The following FXR2 variants were observed in gnomAD, a reference collection of about 807,000 sequenced individuals.
The protein encoded by FXR2 is FMR1 autosomal homolog 2.
A neutral mutation model predicts 87.3 loss-of-function variants in FXR2; 9 were observed. That is an observed-to-expected ratio of 0.10 (90% CI 0.06 to 0.18). FXR2 has a LOEUF of 0.18. Among genes scored for constraint, FXR2 ranks in the 10% least tolerant of loss-of-function variants. The pLI is 1.00. For missense variants in FXR2, 661 were observed against 893.6 expected (o/e 0.74, Z 3.32); for synonymous variants, 331 against 328.3 (o/e 1.01, Z -0.09).
intron 1 of FXR2, among the ~76,000 whole-genome samples, chr17:7,607,773 T>G (rs1466674639): frequency 6.6e-6 from 1 of 151,890 alleles, no homozygotes; most frequent in African/African-American, 2.4e-5. Flanking sequence ...GAGGTATTGA[T>G]CAATGTTTTT....
rs564306204 is a variant in FXR2 at position 7,594,140 on chromosome 17, C to CGT, written c.1020+96_1020+97dup. On this transcript the variant is annotated intron_variant, in intron 10 of 16. Transcript: ENST00000250113. The surrounding 1 kb of genome is among the most constrained non-coding windows in gnomAD (Gnocchi z 5.1). ...AATCTACTAGTGTTAAACAACTTTC[C>CGT]GTACTCCACCCTCTCAAAGAACAAT... 277 of 900,350 alleles carry CGT rather than the reference C, an allele frequency of 3.1e-4. 4 individuals carry two copies. In the South Asian group the frequency reaches 3.3e-3, roughly 11 times the overall value. The allele number at this position is 900,350 out of a possible 1,614,324, so 55.8% of individuals were successfully genotyped here. A position where few individuals can be genotyped will look rare whatever the true frequency, so the allele number is the denominator to read the frequency against.
intron 3 of FXR2, among the ~76,000 whole-genome samples, chr17:7,604,508 A>G (rs1419562737): frequency 6.6e-6 from 1 of 151,858 alleles, no homozygotes; most frequent in East Asian, 2.0e-4. Flanking sequence ...CCTGGCCAAC[A>G]TGGTAAAACC....
At chr17:7,598,985 A>G (rs1345851383) in intron 7 of FXR2, among the ~76,000 whole-genome samples, 1 of 152,132 alleles carries the variant, frequency 6.6e-6, no homozygotes, top group Non-Finnish European at 1.5e-5. Flanking sequence ...AAAAAAGCAA[A>G]AATTATCCAG....
In FXR2 at chr17:7,603,814, G is replaced by T; in HGVS notation, c.392C>A (p.Ala131Glu). 2 of 1,613,956 alleles carry T rather than the reference G, an allele frequency of 1.2e-6. No homozygotes were observed. The highest frequency in any genetic ancestry group is 1.7e-6 in the Non-Finnish European group (2 of 1,179,842). Reference sequence around the variant, plus strand: ...AACCTTGAAGAAGCTGCCTTTGGTTGCAAGGGGATTGGGATTAACTGGCCG... The same window carrying T: ...AACCTTGAAGAAGCTGCCTTTGGTTTCAAGGGGATTGGGATTAACTGGCCG... ...RLRPVNPNPL[A>E]TKGSFFKVTM... is the part of the protein sequence containing the mutation. The change falls in exon 5 of 17, where the codon GCA becomes GAA. Residue 131 changes from alanine (A) to glutamate (E), a missense_variant. Physicochemically the swap from Ala to Glu is moderately radical, Grantham distance 107 (BLOSUM62 -1). This residue lies in a region of FXR2 where 170 missense variants were observed against 247.2 expected (regional missense o/e 0.69). Coordinates refer to ENST00000250113, the MANE Select transcript of FXR2 (RefSeq NM_004860.4).
chr17:7,601,346 G>C, intron 7 of FXR2, 63 bp downstream of exon 7: 2 of 897,496 alleles, frequency 2.2e-6, no homozygotes, highest in Non-Finnish European at 3.8e-6. Context: ...CATGGATGGA[G>C]GACAGGGTAG....
intron 1 of FXR2, among the ~76,000 whole-genome samples, chr17:7,609,053 G>A (rs1013244056): frequency 3.3e-5 from 5 of 152,198 alleles, no homozygotes; most frequent in Non-Finnish European, 5.9e-5. Context: ...AGGCTGTGAT[G>A]AGCTGTGATT....
intron 7 of FXR2, among the ~76,000 whole-genome samples, chr17:7,597,677 G>A (rs535781892): frequency 7.9e-5 from 12 of 152,280 alleles, no homozygotes; most frequent in South Asian, 4.1e-4. Context: ...CCAAAGTGCT[G>A]GGATTGCAGG....
At chr17:7,598,411 C>T (rs1225314472) in intron 7 of FXR2, among the ~76,000 whole-genome samples, 1 of 152,174 alleles carries the variant, frequency 6.6e-6, no homozygotes, top group Admixed American at 6.5e-5. Context: ...GCCGAGATCA[C>T]GCCAATGCAC....
intron 5 of FXR2, among the ~76,000 whole-genome samples, 162 bp from the exon 6 acceptor site, chr17:7,603,164 T>C (rs960777263): frequency 6.8e-6 from 1 of 147,536 alleles, no homozygotes; most frequent in Non-Finnish European, 1.5e-5. Context: ...ATGGGCAACA[T>C]AGTGAGACCC....
At position 7,614,729 on chromosome 17, in the gene FXR2, G is replaced by A; in HGVS notation, c.-197C>T. 7.5e-6 allele frequency: 2 copies of A among 265,618 alleles called. No homozygotes were observed. Among genetic ancestry groups the A allele is most frequent in the South Asian group, 1.5e-4 (1 of 6,758 alleles). 16.5% of individuals were successfully genotyped at this position (265,618 alleles called of 1,614,324 possible). A position where few individuals can be genotyped will look rare whatever the true frequency, so the allele number is the denominator to read the frequency against. ...GGGGCCGGGCCGCTCCCCGTCCGCC[G>A]CCGCCGCCTTGGTCTCCGCCACCGT... is the stretch of plus-strand genomic sequence containing the variant. On this transcript the variant is annotated 5_prime_UTR_variant, in exon 1 of 17. Transcript: ENST00000250113.
intron 1 of FXR2, among the ~76,000 whole-genome samples, chr17:7,610,038 G>GTATACA (rs2071848619): frequency 6.9e-5 from 5 of 72,212 alleles, no homozygotes; most frequent in East Asian, 8.8e-4. Flanking sequence ...ATACATGTAT[G>GTATACA]TATATATATA....
At position 7,594,224 on chromosome 17, in the gene FXR2, C is replaced by T. The variant is rs1433389563; in HGVS notation, c.1020+14G>A. 8 of 1,436,662 alleles carry T rather than the reference C, an allele frequency of 5.6e-6. No individual in the cohort carries two copies. The highest frequency in any genetic ancestry group is 6.9e-6 in the Non-Finnish European group (7 of 1,019,032). The allele number at this position is 1,436,662 out of a possible 1,614,324, so 89.0% of individuals were successfully genotyped here. Reference sequence around the variant, plus strand: ...GGAAACCAATCTCTATGCCCACTTGCCCCGTACCCATACCTCCTCCCTGGG... The same window carrying T: ...GGAAACCAATCTCTATGCCCACTTGTCCCGTACCCATACCTCCTCCCTGGG... On this transcript the variant is annotated intron_variant, in intron 10 of 16. Coordinates refer to ENST00000250113, the MANE Select transcript of FXR2 (RefSeq NM_004860.4). The surrounding 1 kb of genome is among the most constrained non-coding windows in gnomAD (Gnocchi z 5.1).
Position 7,593,577 on chromosome 17 carries a change from G to T in FXR2, c.1156C>A (p.Arg386=). The part of the protein sequence containing the change: ...LERLQIDEQL[R]QIGLGFRPPG... ...GGGCGAAAGCCCAGCCCAATCTGCCGAAGCTGCTCATCAATTTGTAGCCTC... is the reference window on the plus strand; with the variant it reads ...GGGCGAAAGCCCAGCCCAATCTGCCTAAGCTGCTCATCAATTTGTAGCCTC... Residue 386 remains arginine, a synonymous_variant, in exon 12 of 17, where the codon CGG becomes AGG. Coordinates refer to ENST00000250113, the MANE Select transcript of FXR2 (RefSeq NM_004860.4). The surrounding 1 kb of genome is among the most constrained non-coding windows in gnomAD (Gnocchi z 6.1). The T allele has an allele frequency of 1.3e-6, 2 of 1,598,106 alleles. No individual in the cohort carries two copies. The highest frequency in any genetic ancestry group is 1.7e-6 in the Non-Finnish European group (2 of 1,173,694).
rs1303345856 is a variant in FXR2, at chr17:7,591,534, G to T, written c.*296C>A. On this transcript the variant is annotated 3_prime_UTR_variant, in exon 17 of 17. Transcript: ENST00000250113. This position sits in a 1 kb window ranked among gnomAD's most constrained non-coding sequence, Gnocchi z 4.0. The stretch of plus-strand genomic sequence containing the variant: ...GAGGAGCACCCCCCACCAACAGGTG[G>T]AGAATGGGGGTGTTCAGAGAGAGAT... 12 of 368,670 alleles carry T rather than the reference G, an allele frequency of 3.3e-5. No individual in the cohort carries two copies. Among genetic ancestry groups the T allele is most frequent in the Admixed American group, 2.6e-4 (6 of 23,470 alleles). 22.8% of individuals were successfully genotyped at this position (368,670 alleles called of 1,614,324 possible).
intron 7 of FXR2, 62 bp downstream of exon 7, chr17:7,601,347 G>A (rs2071754372): frequency 5.5e-6 from 5 of 901,000 alleles, no homozygotes; most frequent in South Asian, 1.3e-5. Flanking sequence ...ATGGATGGAG[G>A]ACAGGGTAGG....
chr17:7,591,495 A>T lies in FXR2; in HGVS notation c.*335T>A, dbSNP rs993959212. 3 of 317,884 alleles carry T rather than the reference A, an allele frequency of 9.4e-6. No individual in the cohort carries two copies. Among genetic ancestry groups the T allele is most frequent in the African/African-American group, 6.6e-5 (3 of 45,134 alleles). The allele number at this position is 317,884 out of a possible 1,614,324, so 19.7% of individuals were successfully genotyped here. ...GCAGGGGAGGCCCCCTGAACGGTCA[A>T]ATCTGGGTGGGTCGAGGAGCACCCC... On this transcript the variant is annotated 3_prime_UTR_variant, in exon 17 of 17. Coordinates refer to ENST00000250113, the MANE Select transcript of FXR2 (RefSeq NM_004860.4). This position sits in a 1 kb window ranked among gnomAD's most constrained non-coding sequence, Gnocchi z 4.0.
rs543342641 is a variant in FXR2, at chr17:7,592,564, G to A, written c.1765C>T (p.Arg589Cys). Residue 589 changes from arginine to cysteine, a missense_variant, in exon 15 of 17, where the codon CGC (arginine) becomes TGC (cysteine). Arg to Cys is a radical substitution (Grantham distance 180). Around this residue, in one of 3 missense-constraint regions of FXR2, gnomAD observed 409 missense variants for 432.0 expected, o/e 0.95. Coordinates refer to ENST00000250113, the MANE Select transcript of FXR2 (RefSeq NM_004860.4). This position sits in a 1 kb window ranked among gnomAD's most constrained non-coding sequence, Gnocchi z 4.8. ...ESRPQRRNRS[R>C]RRRNRGNRTD... ...CGATTACCACGGTTACGGCGGCGGC[G>A]GCTGCGATTACGACGTTGAGGTCTT... 2.6e-5 allele frequency: 42 copies of A among 1,613,780 alleles called. No homozygotes were observed. The East Asian group carries it at 8.0e-4, about 31-fold the overall frequency.
At chr17:7,602,576 A>C (rs535973120) in intron 6 of FXR2, among the ~76,000 whole-genome samples, 11 of 151,782 alleles carry the variant, frequency 7.2e-5, no homozygotes, top group African/African-American at 2.7e-4. Flanking sequence ...TCAAAAAAAA[A>C]AAAATTAGCC....
rs1268114961 is a variant in FXR2, at chr17:7,592,618, C to A, written c.1730-19G>T. 2 of 1,612,936 alleles carry A rather than the reference C, an allele frequency of 1.2e-6. No homozygotes were observed. The highest frequency in any genetic ancestry group is 1.3e-5 in the African/African-American group (1 of 74,780). On this transcript the variant is annotated intron_variant, in intron 14 of 16. Coordinates refer to ENST00000250113, the MANE Select transcript of FXR2 (RefSeq NM_004860.4). This position sits in a 1 kb window ranked among gnomAD's most constrained non-coding sequence, Gnocchi z 4.8. ...TCATCTTCTGTAGGGTAGGAAAAAA[C>A]CAGAGTCACACATCCAACCTCCCAC...
Sources: allele counts gnomAD v4.1 joint callset (sites outside exome capture counted in the v4.1 genomes callset), GRCh38; gene constraint gnomAD v4.1.1; regional missense constraint gnomAD v4.1.1; non-coding constraint Gnocchi (gnomAD v3.1); transcripts MANE v1.5; gene names NCBI Gene and HGNC (gene_info 2026-07-23, HGNC 2026-07-21).